Variants in COQ2 observed in about 807,000 individuals in gnomAD.
COQ2 encodes coenzyme Q2, polyprenyltransferase, also known as 4-hydroxybenzoate polyprenyltransferase, mitochondrial.
Under a neutral mutation model 35.7 loss-of-function variants are expected in COQ2, and 25 were observed. That is an observed-to-expected ratio of 0.70 (90% confidence interval 0.51 to 0.98). The LOEUF is 0.98. Among genes scored for constraint, COQ2 ranks in the 50% least tolerant of loss-of-function variants. COQ2 has a pLI of 0.00. For missense variants in COQ2, 488 were observed against 473.5 expected (o/e 1.03, Z -0.28); for synonymous variants, 206 against 186.2 (o/e 1.11, Z -0.86).
Position 83,284,620 on chromosome 4 carries a change from G to C in COQ2, c.145C>G (p.Pro49Ala), listed in dbSNP as rs749260869. Reference protein sequence around the residue: ...HGGDLQPPACPEPRGRQLSLS... With the variant: ...HGGDLQPPACAEPRGRQLSLS... ...CTGAGCTGGCGCCCGCGCGGCTCGGGACAGGCGGGGGGCTGCAAGTCACCA... is the reference window on the plus strand; with the variant it reads ...CTGAGCTGGCGCCCGCGCGGCTCGGCACAGGCGGGGGGCTGCAAGTCACCA... The change falls in exon 1 of 7, where the codon CCC becomes GCC. Residue 49 changes from proline (P) to alanine (A), a missense_variant. Pro to Ala is a conservative substitution (Grantham distance 27). Coordinates refer to ENST00000647002, the MANE Select transcript of COQ2 (RefSeq NM_001358921.2). The C allele has an allele frequency of 2.4e-5, 36 of 1,523,936 alleles. No individual in the cohort carries two copies. The highest frequency in any genetic ancestry group is 4.4e-6 in the Non-Finnish European group (5 of 1,136,946). The allele number at this position is 1,523,936 out of a possible 1,614,324, so 94.4% of individuals were successfully genotyped here. A position where few individuals can be genotyped will look rare whatever the true frequency, so the allele number is the denominator to read the frequency against.
intron 6 of COQ2, among the ~76,000 whole-genome samples, chr4:83,266,296 G>C (rs1734916831): frequency 6.6e-6 from 1 of 151,972 alleles, no homozygotes; most frequent in Non-Finnish European, 1.5e-5. Flanking sequence ...TATACTGATA[G>C]TAATTGGCAA....
intron 2 of COQ2, among the ~76,000 whole-genome samples, chr4:83,274,458 G>A (rs1001031052): frequency 6.6e-6 from 1 of 152,196 alleles, no homozygotes; most frequent in Non-Finnish European, 1.5e-5. Flanking sequence ...GCTTCCCAAA[G>A]TGGCAGGATT....
intron 1 of COQ2, among the ~76,000 whole-genome samples, chr4:83,279,526 G>T (rs575842619): frequency 1.9e-3 from 296 of 152,098 alleles, no homozygotes; most frequent in Non-Finnish European, 3.5e-3. Flanking sequence ...TTACAAAATG[G>T]CCCTACCTTT....
intron 2 of COQ2, among the ~76,000 whole-genome samples, chr4:83,277,317 C>A (rs183755691): frequency 6.6e-6 from 1 of 152,314 alleles, no homozygotes; most frequent in African/African-American, 2.4e-5. Flanking sequence ...TCCAGCCACA[C>A]ACAGACCATG....
Position 83,273,504 on chromosome 4 carries a change from A to C in COQ2, c.534T>G (p.Asn178Lys), listed in dbSNP as rs750411784. 1 of 1,613,042 alleles carries C rather than the reference A, an allele frequency of 6.2e-7. No individual in the cohort carries two copies. Among genetic ancestry groups the C allele is most frequent in the African/African-American group, 1.3e-5 (1 of 74,858 alleles). The stretch of plus-strand genomic sequence containing the variant: ...GAAAACGTTTAATATACCTGTAGTA[A>C]TTTAGACACAGAAGAACACCCAGTG... Reference protein sequence around the residue: ...TLALGVLLCLNYYSIALGAGS... With the variant: ...TLALGVLLCLKYYSIALGAGS... Residue 178 changes from asparagine (N) to lysine (K), a missense_variant, in exon 3 of 7, where the codon AAT becomes AAG. Transcript: ENST00000647002.
rs745504932 is a variant in COQ2 at position 83,272,086 on chromosome 4, C to T, written c.628+1G>A. ...AATACTTTTAGTTATTGTAAGCTCA[C>T]CCAAGGCTAGTTGAGGCCAGTATGA... On this transcript the variant is annotated splice_donor_variant, in intron 4 of 6. Transcript: ENST00000647002. LOFTEE classifies it high-confidence loss of function. 1.3e-6 allele frequency: 2 copies of T among 1,593,722 alleles called. No individual in the cohort carries two copies. Among genetic ancestry groups the T allele is most frequent in the East Asian group, 4.5e-5 (2 of 44,544 alleles).
At position 83,278,961 on chromosome 4, in the gene COQ2, T is replaced by A; in HGVS notation, c.407A>T (p.Asp136Val). ...GCTINDMWDQDYDKKVTRTAN... is the reference protein window; with the variant it reads ...GCTINDMWDQVYDKKVTRTAN... ...GGATGAAATTACCTTTTTATCATAG[T>A]CCTGGTCCCACATGTCATTAATAGT... Residue 136 changes from aspartate to valine, a missense_variant, in exon 2 of 7, where the codon GAC (aspartate) becomes GTC (valine). Transcript: ENST00000647002. The A allele has an allele frequency of 6.3e-7, 1 of 1,599,002 alleles. No homozygotes were observed. Among genetic ancestry groups the A allele is most frequent in the South Asian group, 1.1e-5 (1 of 87,530 alleles).
intron 1 of COQ2, chr4:83,282,408 T>C (rs1341991298): frequency 1.3e-5 from 2 of 152,498 alleles, no homozygotes; most frequent in Non-Finnish European, 2.9e-5. Context: ...TAAAGAATTA[T>C]CAAACCTGGA....
intron 2 of COQ2, among the ~76,000 whole-genome samples, chr4:83,276,011 A>T (rs1735157809): frequency 1.7e-5 from 1 of 58,804 alleles, no homozygotes; most frequent in Non-Finnish European, 3.7e-5. Flanking sequence ...AATATATATT[A>T]TATATAATAT....
intron 1 of COQ2, among the ~76,000 whole-genome samples, chr4:83,280,339 G>C (rs781659373): frequency 6.6e-5 from 10 of 152,114 alleles, no homozygotes; most frequent in African/African-American, 2.2e-4. Context: ...CCCTATAGAG[G>C]GATACAAGAG....
chr4:83,276,079 T>TATATA (rs1438473196), intron 2 of COQ2, among the ~76,000 whole-genome samples: 3 of 143,036 alleles, frequency 2.1e-5, no homozygotes, highest in Non-Finnish European at 4.5e-5. Context: ...TTATATATAA[T>TATATA]ATATATATAC....
At chr4:83,269,789 C>T in intron 5 of COQ2, 71 bp downstream of exon 5, 1 of 1,245,714 alleles carries the variant, frequency 8.0e-7, no homozygotes, top group African/African-American at 1.6e-5. Flanking sequence ...GAAAAAAATG[C>T]TTTCTCCTTA....
intron 2 of COQ2, among the ~76,000 whole-genome samples, chr4:83,277,973 AACACACACAC>A (rs10595798): frequency 0.27 from 37,890 of 140,062 alleles, 5,103 homozygotes; most frequent in East Asian, 0.36. Context: ...TCCATCTCAA[AACACACACAC>A]ACACACACAC....
At chr4:83,268,210 C>G (rs1464938922) in intron 5 of COQ2, among the ~76,000 whole-genome samples, 3 of 152,168 alleles carry the variant, frequency 2.0e-5, no homozygotes, top group Admixed American at 2.0e-4. Context: ...TTCAATCTTG[C>G]AAAAGTCACA....
intron 2 of COQ2, among the ~76,000 whole-genome samples, chr4:83,274,464 G>A (rs914675352): frequency 1.3e-5 from 2 of 152,182 alleles, no homozygotes; most frequent in Admixed American, 6.5e-5. Flanking sequence ...CAAAGTGGCA[G>A]GATTATAAGC....
At chr4:83,278,904 A>T (rs762161863) in intron 2 of COQ2, 44 bp downstream of exon 2, 1 of 1,501,260 alleles carries the variant, frequency 6.7e-7, no homozygotes, top group Non-Finnish European at 8.9e-7. Context: ...GTTATTCTGC[A>T]GAATTGAGAA....
rs779808446 is a variant in COQ2, at chr4:83,272,180, G to C, written c.543-8C>G. 4.4e-6 allele frequency: 7 copies of C among 1,588,796 alleles called. No homozygotes were observed. Among genetic ancestry groups the C allele is most frequent in the Non-Finnish European group, 5.2e-6 (6 of 1,163,032 alleles). ...CCTGCTCCCAGAGCTATACTGAAAAGAGGAAAAACCATTAAAGTGATTATT... is the reference window on the plus strand; with the variant it reads ...CCTGCTCCCAGAGCTATACTGAAAACAGGAAAAACCATTAAAGTGATTATT... On this transcript the variant is annotated splice_region_variant and splice_polypyrimidine_tract_variant and intron_variant, in intron 3 of 6. Transcript: ENST00000647002.
At chr4:83,266,929 TAAAAG>T in intron 6 of COQ2, 1 of 282,734 alleles carries the variant, frequency 3.5e-6, no homozygotes. Flanking sequence ...GATTTTTTTT[TAAAAG>T]CTTTATCTGT....
intron 5 of COQ2, among the ~76,000 whole-genome samples, chr4:83,269,292 C>A (rs1470921305): frequency 6.6e-6 from 1 of 152,022 alleles, no homozygotes; most frequent in Non-Finnish European, 1.5e-5. Context: ...TGGACTATCT[C>A]ATAGTCCATA....
Sources: allele counts gnomAD v4.1 joint callset (sites outside exome capture counted in the v4.1 genomes callset), GRCh38; gene constraint gnomAD v4.1.1; transcripts MANE v1.5; gene names NCBI Gene and HGNC (gene_info 2026-07-23, HGNC 2026-07-21).